The following ZNF263 variants were observed in gnomAD, a reference collection of about 807,000 sequenced individuals.
The protein encoded by ZNF263 is zinc finger protein FPM315.
Under a neutral mutation model 63.1 loss-of-function variants are expected in ZNF263, and 49 were observed. The ratio of observed to expected loss-of-function variants is 0.78; its 90% CI spans 0.62 to 0.99. The LOEUF (loss-of-function observed/expected upper bound fraction) is 0.99. Among genes scored for constraint, ZNF263 ranks in the 50% least tolerant of loss-of-function variants. ZNF263 has a pLI of 0.00. For missense variants in ZNF263, 872 were observed against 854.8 expected, an observed-to-expected ratio of 1.02 and a Z score of -0.25; for synonymous variants, 352 against 324.2, an observed-to-expected ratio of 1.09 and a Z score of -0.92.
At chr16:3,299,735 G>T (rs1211889452) in intron 2 of ZNF263, 1 of 1,541,026 alleles carries the variant, frequency 6.5e-7, no homozygotes, top group African/African-American at 1.4e-5. Context: ...CTGTCCAGAA[G>T]TAACAATGCC....
At chr16:3,285,335 A>G in intron 2 of ZNF263, 96 bp downstream of exon 2, 2 of 1,338,614 alleles carry the variant, frequency 1.5e-6, no homozygotes, top group Non-Finnish European at 2.0e-6. Context: ...AGGAGAAGGA[A>G]TTTCTGAAGA....
chr16:3,286,333 C>G, intron 4 of ZNF263, 184 bp downstream of exon 4: 4 of 797,046 alleles, frequency 5.0e-6, no homozygotes, highest in Non-Finnish European at 7.2e-6. Flanking sequence ...TTGGCACAGG[C>G]AGCCCGGGAC....
chr16:3,287,757 A>G (rs891967123), intron 4 of ZNF263, among the ~76,000 whole-genome samples: 5 of 151,696 alleles, frequency 3.3e-5, no homozygotes, highest in Admixed American at 6.6e-5. Flanking sequence ...CTGATTGTCT[A>G]TTATGTTATA....
intron 2 of ZNF263, chr16:3,300,864 T>G: frequency 7.1e-6 from 3 of 424,184 alleles, no homozygotes; most frequent in South Asian, 1.0e-4. Flanking sequence ...CTGCAAGCCA[T>G]GAGTGATCAT....
rs1442880103 is a variant in ZNF263, at chr16:3,284,184, G to A, written c.366G>A (p.Glu122=). ...AVTLVEDMQR[E]LGRLRQQVTN... is the part of the protein sequence containing the mutation. The stretch of plus-strand genomic sequence containing the variant: ...CCCTTGTGGAGGATATGCAGAGAGA[G>A]CTTGGGAGACTGAGACAACAGGTGA... Residue 122 remains glutamate, a synonymous_variant, in exon 1 of 6, where the codon GAG becomes GAA. Coordinates refer to ENST00000219069, the MANE Select transcript of ZNF263 (RefSeq NM_005741.5). The A allele has an allele frequency of 3.9e-6, 6 of 1,548,418 alleles. No individual in the cohort carries two copies. Among genetic ancestry groups the A allele is most frequent in the Non-Finnish European group, 5.2e-6 (6 of 1,145,444 alleles).
chr16:3,285,986 T>C (rs1200712012), intron 3 of ZNF263, 37 bp from the exon 4 acceptor site: 1 of 1,613,734 alleles, frequency 6.2e-7, no homozygotes, highest in Non-Finnish European at 8.5e-7. Context: ...TTGTTCTTGG[T>C]GCATCAGGGG....
chr16:3,299,918 T>C (rs771058701), intron 2 of ZNF263: 19 of 1,612,128 alleles, frequency 1.2e-5, no homozygotes, highest in Non-Finnish European at 1.5e-5. Flanking sequence ...TTGGGCAGTT[T>C]TGATTTTCCA....
rs1404113277 is a variant in ZNF263 at position 3,289,477 on chromosome 16, C to T, written c.971C>T (p.Ala324Val). The T allele has an allele frequency of 6.5e-7, 1 of 1,547,420 alleles. No individual in the cohort carries two copies. The highest frequency in any genetic ancestry group is 8.7e-7 in the Non-Finnish European group (1 of 1,148,786). Reference sequence around the variant, plus strand: ...CCTCAGGTGCTGCTTCCTGACCAGGCCCGAGGGGAGGTGCCCTGGAGTCCT... The same window carrying T: ...CCTCAGGTGCTGCTTCCTGACCAGGTCCGAGGGGAGGTGCCCTGGAGTCCT... ...IHPQVLLPDQ[A>V]RGEVPWSPEL... is the part of the protein sequence containing the mutation. The change falls in exon 6 of 6, where the codon GCC becomes GTC. Residue 324 changes from alanine to valine, a missense_variant. Transcript: ENST00000219069.
chr16:3,285,924 A>G (rs2150772178), intron 3 of ZNF263, 99 bp from the exon 4 acceptor site: 2 of 1,597,150 alleles, frequency 1.3e-6, no homozygotes, highest in Non-Finnish European at 8.6e-7. Context: ...CCCCCCTGAC[A>G]TGTGCTTGGC....
At chr16:3,298,350 C>G (rs970128009) in intron 1 of ZNF263, among the ~76,000 whole-genome samples, 1 of 152,146 alleles carries the variant, frequency 6.6e-6, no homozygotes, top group African/African-American at 2.4e-5. Flanking sequence ...CCTATATACT[C>G]AATAAATGCT....
At chr16:3,294,602 T>C (rs913800104), downstream of ZNF263, among the ~76,000 whole-genome samples, 6 of 152,186 alleles carry the variant, frequency 3.9e-5, no homozygotes, top group Non-Finnish European at 5.9e-5. Flanking sequence ...CATATACTTT[T>C]TAATAAGACC....
intron 4 of ZNF263, among the ~76,000 whole-genome samples, chr16:3,287,817 A>G (rs974044844): frequency 4.0e-5 from 6 of 151,862 alleles, no homozygotes; most frequent in African/African-American, 1.2e-4. Context: ...TTTTGTATTT[A>G]TATGTAGAGA....
chr16:3,298,681 T>C (rs1959835706), intron 1 of ZNF263, among the ~76,000 whole-genome samples: 1 of 152,216 alleles, frequency 6.6e-6, no homozygotes. Context: ...TTCTTTGTTA[T>C]ACGATATGAT....
At chr16:3,293,094 GC>G (rs1342577911), downstream of ZNF263, 1 of 152,168 alleles carries the variant, frequency 6.6e-6, no homozygotes, top group Non-Finnish European at 1.5e-5. Context: ...ATACGGTTCG[GC>G]TCTGTGTCCC....
chr16:3,288,921 G>T (rs180885365), intron 5 of ZNF263, among the ~76,000 whole-genome samples: 1 of 152,208 alleles, frequency 6.6e-6, no homozygotes, highest in African/African-American at 2.4e-5. Context: ...GGATTTACAA[G>T]TGTGAGCCAC....
chr16:3,288,599 A>G, intron 5 of ZNF263, 29 bp downstream of exon 5: 1 of 1,526,182 alleles, frequency 6.6e-7, no homozygotes, highest in South Asian at 1.2e-5. Flanking sequence ...TGGCCTGCGC[A>G]GCAAGCAGCA....
At chr16:3,294,523 G>C (rs1490448889), downstream of ZNF263, among the ~76,000 whole-genome samples, 3 of 152,026 alleles carry the variant, frequency 2.0e-5, no homozygotes, top group Non-Finnish European at 4.4e-5. Flanking sequence ...TTACTCTTCA[G>C]TCTAGCTTGC....
At chr16:3,284,971 T>C in intron 1 of ZNF263, 88 bp from the exon 2 acceptor site, 1 of 1,506,844 alleles carries the variant, frequency 6.6e-7, no homozygotes, top group Non-Finnish European at 9.1e-7. Flanking sequence ...TGAGGTTCTC[T>C]GTTGAAGGTT....
intron 3 of ZNF263, 42 bp from the exon 4 acceptor site, chr16:3,285,981 C>G (rs1959338123): frequency 1.2e-6 from 2 of 1,613,690 alleles, no homozygotes; most frequent in Non-Finnish European, 1.7e-6. Flanking sequence ...TTGAATTGTT[C>G]TTGGTGCATC....
Sources: gnomAD v4.1 joint callset for allele counts (sites outside exome capture counted in the v4.1 genomes callset) on GRCh38, gnomAD v4.1.1 for gene constraint, MANE v1.5 for transcripts, NCBI Gene and HGNC (gene_info 2026-07-23, HGNC 2026-07-21) for gene names.